The following DNER variants were observed in gnomAD, a reference collection of about 807,000 sequenced individuals.
DNER encodes delta/notch like EGF repeat containing, also known as delta and Notch-like epidermal growth factor-related receptor.
In DNER, 33 loss-of-function variants were observed where a neutral mutation model predicts 78.2. The observed-to-expected ratio is 0.42, with a 90% CI of 0.32 to 0.56. The LOEUF (loss-of-function observed/expected upper bound fraction) is 0.56, where lower values mean the gene tolerates loss of function less well. Ranked by LOEUF, DNER falls within the 20% of genes least tolerant of loss-of-function variation. The pLI, the probability that DNER is intolerant of heterozygous loss-of-function variation, is 0.11. For synonymous variants in DNER, 417 were observed against 384.8 expected (o/e 1.08, Z -0.98); for missense variants, 918 against 975.3 (o/e 0.94, Z 0.78).
chr2:229,567,440 A>T lies in DNER; in HGVS notation c.847+18418T>A, dbSNP rs73998275. 8.2e-3 allele frequency among the ~76,000 whole-genome samples: 1,247 copies of T among 152,310 alleles called. 30 individuals are homozygous for T. Among genetic ancestry groups the T allele is most frequent in the African/African-American group, 0.029 (1,189 of 41,560 alleles). On this transcript the variant is annotated intron_variant, in intron 4 of 12. Transcript: ENST00000341772. ...CAAATACAAGAGGGTAAGTGAGCTG[A>T]CTATGGTGATGGCAAATATGGGCAT...
intron 1 of DNER, among the ~76,000 whole-genome samples, chr2:229,690,046 T>C (rs1699542321): frequency 6.6e-6 from 1 of 152,254 alleles, no homozygotes; most frequent in South Asian, 2.1e-4. Flanking sequence ...TGTGGGTCAC[T>C]GTAGTCTCAG....
chr2:229,639,055 G>T (rs1464893736), intron 1 of DNER, among the ~76,000 whole-genome samples: 1 of 152,134 alleles, frequency 6.6e-6, no homozygotes, highest in Non-Finnish European at 1.5e-5. Context: ...GGCAGTGTCT[G>T]GGAGTGAGGT....
intron 6 of DNER, among the ~76,000 whole-genome samples, chr2:229,498,178 A>G (rs1250789524): frequency 6.6e-6 from 1 of 152,222 alleles, no homozygotes; most frequent in Non-Finnish European, 1.5e-5. Flanking sequence ...GGCAAAAACC[A>G]CATCATCATC....
chr2:229,645,204 G>A (rs1252488588), intron 1 of DNER, among the ~76,000 whole-genome samples: 1 of 152,038 alleles, frequency 6.6e-6, no homozygotes, highest in East Asian at 1.9e-4. Flanking sequence ...ATTGGGTCTT[G>A]CTATGTTGCT....
intron 8 of DNER, among the ~76,000 whole-genome samples, chr2:229,425,058 G>T (rs1693843740): frequency 6.6e-6 from 1 of 152,172 alleles, no homozygotes; most frequent in Non-Finnish European, 1.5e-5. Context: ...GTTGTGAAGG[G>T]TGAGAGTTCA....
intron 5 of DNER, among the ~76,000 whole-genome samples, chr2:229,513,747 A>G (rs1261574958): frequency 6.6e-6 from 1 of 152,202 alleles, no homozygotes; most frequent in Non-Finnish European, 1.5e-5. Context: ...GAGGCAAAGG[A>G]GAATGACATT....
intron 1 of DNER, among the ~76,000 whole-genome samples, chr2:229,674,120 G>A (rs1699258450): frequency 6.6e-6 from 1 of 152,236 alleles, no homozygotes; most frequent in African/African-American, 2.4e-5. Context: ...TGGCAGTAAA[G>A]GAGCTGTTGG....
intron 5 of DNER, among the ~76,000 whole-genome samples, chr2:229,514,297 A>G (rs572975415): frequency 1.2e-4 from 18 of 152,170 alleles, no homozygotes; most frequent in African/African-American, 4.3e-4. Flanking sequence ...GGCTTTCTAC[A>G]TGACACAAAA....
At chr2:229,689,707 G>A (rs1016878334) in intron 1 of DNER, among the ~76,000 whole-genome samples, 2 of 152,152 alleles carry the variant, frequency 1.3e-5, no homozygotes, top group East Asian at 3.9e-4. Context: ...CTCCCTGGCT[G>A]CAAGGAAAAA....
At chr2:229,681,593 A>G (rs113436078) in intron 1 of DNER, among the ~76,000 whole-genome samples, 143 of 152,250 alleles carry the variant, frequency 9.4e-4, no homozygotes, top group African/African-American at 3.2e-3. Flanking sequence ...TTTTTCAGTC[A>G]TTCTTCAAGT....
chr2:229,372,515 G>A (rs906774361), intron 11 of DNER, among the ~76,000 whole-genome samples: 3 of 152,218 alleles, frequency 2.0e-5, no homozygotes, highest in Non-Finnish European at 4.4e-5. Context: ...CTGCTTGAGA[G>A]AGAGGCAGAG....
chr2:229,442,374 T>G (rs1811289), intron 8 of DNER, among the ~76,000 whole-genome samples: 152,203 of 152,214 alleles, frequency 1, 76,096 homozygotes, highest in Non-Finnish European at 1. Flanking sequence ...AATTAGCTGG[T>G]TGTGGTGGTG....
intron 12 of DNER, among the ~76,000 whole-genome samples, chr2:229,365,034 A>G (rs1692313538): frequency 6.6e-6 from 1 of 152,024 alleles, no homozygotes; most frequent in South Asian, 2.1e-4. Context: ...ATTTAGGTAG[A>G]TATAAGAAAA....
intron 8 of DNER, among the ~76,000 whole-genome samples, chr2:229,436,900 A>G (rs1272186174): frequency 1.3e-5 from 2 of 152,248 alleles, no homozygotes; most frequent in Non-Finnish European, 1.5e-5. Flanking sequence ...AAGTCTGCAC[A>G]ATAACCAACT....
intron 11 of DNER, among the ~76,000 whole-genome samples, chr2:229,375,173 G>A (rs984513189): frequency 1.3e-5 from 2 of 152,168 alleles, no homozygotes; most frequent in Non-Finnish European, 2.9e-5. Context: ...TCAGAGATGG[G>A]AAATTTCATT....
At chr2:229,568,582 CTATT>C (rs1373697229) in intron 4 of DNER, among the ~76,000 whole-genome samples, 1 of 152,150 alleles carries the variant, frequency 6.6e-6, no homozygotes, top group Admixed American at 6.5e-5. Context: ...TGGATATTAA[CTATT>C]TATGCCATAC....
intron 1 of DNER, among the ~76,000 whole-genome samples, chr2:229,694,403 T>C (rs1225930565): frequency 2.0e-5 from 3 of 152,172 alleles, no homozygotes; most frequent in African/African-American, 7.2e-5. Flanking sequence ...GACCCCAGAA[T>C]GGTAGACCCA....
In DNER at chr2:229,585,985, C is replaced by G; in HGVS notation, c.720G>C (p.Trp240Cys). The change falls in exon 4 of 13, where the codon TGG (tryptophan) becomes TGC (cysteine). Residue 240 changes from tryptophan (W) to cysteine (C), a missense_variant. Transcript: ENST00000341772. ...QDATASLILL[W>C]KVTATGFQQC... ...GTTGGAATCCTGTGGCCGTGACCTT[C>G]CAGAGCAAAATCAGTGAGGCAGTGG... The G allele has an allele frequency of 1.9e-6, 3 of 1,613,822 alleles. No individual in the cohort carries two copies. The highest frequency in any genetic ancestry group is 2.5e-6 in the Non-Finnish European group (3 of 1,179,848).
intron 1 of DNER, among the ~76,000 whole-genome samples, chr2:229,623,026 C>T (rs1442976370): frequency 6.6e-6 from 1 of 152,158 alleles, no homozygotes; most frequent in African/African-American, 2.4e-5. Context: ...TTGGTTTGTG[C>T]CACCTGCTCA....
Sources: allele counts gnomAD v4.1 joint callset (sites outside exome capture counted in the v4.1 genomes callset), GRCh38; gene constraint gnomAD v4.1.1; transcripts MANE v1.5; gene names NCBI Gene and HGNC (gene_info 2026-07-23, HGNC 2026-07-21).